The following EIF4G3 variants were observed in gnomAD, a reference collection of about 807,000 sequenced individuals.
The protein encoded by EIF4G3 is eIF-4-gamma 3.
A neutral mutation model predicts 186.4 loss-of-function variants in EIF4G3; 34 were observed. The ratio of observed to expected loss-of-function variants is 0.18; its 90% CI spans 0.14 to 0.24. The LOEUF (loss-of-function observed/expected upper bound fraction) is 0.24, where lower values mean the gene tolerates loss of function less well. EIF4G3 is among the 10% of genes least tolerant of loss of function. The pLI is 1.00. For synonymous variants in EIF4G3, 673 were observed against 679.5 expected, an observed-to-expected ratio of 0.99 and a Z score of 0.15; for missense variants, 1,536 against 1,948.5, an observed-to-expected ratio of 0.79 and a Z score of 3.99.
At chr1:20,931,097 T>A (rs905891738) in intron 14 of EIF4G3, among the ~76,000 whole-genome samples, 1 of 151,706 alleles carries the variant, frequency 6.6e-6, no homozygotes, top group Non-Finnish European at 1.5e-5. Context: ...GCCAGGGAAA[T>A]GACAAGCATC....
chr1:20,810,660 C>A lies in EIF4G3; in HGVS notation c.4744+78G>T. ...ATTCTTTTATTGTCCTTTGTTCGAACCCTAAATCATCTCTAAGTCCTGGCT... is the reference window on the plus strand; with the variant it reads ...ATTCTTTTATTGTCCTTTGTTCGAAACCTAAATCATCTCTAAGTCCTGGCT... On this transcript the variant is annotated intron_variant, in intron 36 of 36. Transcript: ENST00000602326. This position sits in a 1 kb window ranked among gnomAD's most constrained non-coding sequence, Gnocchi z 4.1. 1 of 1,496,900 alleles carries A rather than the reference C, an allele frequency of 6.7e-7. No homozygotes were observed. Among genetic ancestry groups the A allele is most frequent in the Non-Finnish European group, 9.2e-7 (1 of 1,083,652 alleles). The allele number at this position is 1,496,900 out of a possible 1,614,324, so 92.7% of individuals were successfully genotyped here.
At chr1:21,026,936 CA>C (rs146144076) in intron 4 of EIF4G3, among the ~76,000 whole-genome samples, 3,897 of 88,250 alleles carry the variant, frequency 0.044, 145 homozygotes, top group African/African-American at 0.16. Context: ...GACACTGTCT[CA>C]AAAAAAAAAA....
chr1:21,134,185 T>C (rs570503618), intron 2 of EIF4G3, among the ~76,000 whole-genome samples: 1 of 152,206 alleles, frequency 6.6e-6, no homozygotes, highest in African/African-American at 2.4e-5. Context: ...CTCACATTCC[T>C]GTATCTCAGT....
At chr1:20,873,663 T>G (rs1297775710) in intron 20 of EIF4G3, among the ~76,000 whole-genome samples, 1 of 151,822 alleles carries the variant, frequency 6.6e-6, no homozygotes, top group Non-Finnish European at 1.5e-5. Flanking sequence ...ATGGTTTATC[T>G]TTTCTTAGTT....
intron 29 of EIF4G3, among the ~76,000 whole-genome samples, chr1:20,846,605 G>C (rs2071121698): frequency 6.6e-6 from 1 of 152,124 alleles, no homozygotes; most frequent in Non-Finnish European, 1.5e-5. Context: ...GGCCAGACTT[G>C]TCTGTATCTC....
intron 14 of EIF4G3, among the ~76,000 whole-genome samples, chr1:20,916,070 C>T (rs1192675007): frequency 1.3e-5 from 2 of 151,628 alleles, no homozygotes; most frequent in African/African-American, 2.4e-5. Context: ...ATACTAGTAA[C>T]AAAAATTGAA....
At chr1:20,941,109 A>G (rs2095694126) in intron 14 of EIF4G3, 1 of 986,318 alleles carries the variant, frequency 1.0e-6, no homozygotes, top group Admixed American at 3.5e-5. Context: ...TTAAAATTCT[A>G]GGAAGACAGA....
chr1:20,826,900 A>G (rs2063798349), intron 32 of EIF4G3, among the ~76,000 whole-genome samples: 1 of 152,206 alleles, frequency 6.6e-6, no homozygotes, highest in Non-Finnish European at 1.5e-5. Context: ...AAAGAGTAGT[A>G]TTAACAAATA....
chr1:20,852,292 G>A (rs939092237), intron 27 of EIF4G3, among the ~76,000 whole-genome samples: 2 of 152,072 alleles, frequency 1.3e-5, no homozygotes, highest in African/African-American at 4.8e-5. Flanking sequence ...GTGAGCCACT[G>A]TGCCCGGCCT....
Position 21,176,220 on chromosome 1 carries a change from G to T in EIF4G3, c.-317C>A. The T allele has an allele frequency of 2.4e-6, 1 of 421,894 alleles. No homozygotes were observed. Among genetic ancestry groups the T allele is most frequent in the African/African-American group, 2.1e-5 (1 of 46,858 alleles). The allele number at this position is 421,894 out of a possible 1,614,324, so 26.1% of individuals were successfully genotyped here. On this transcript the variant is annotated 5_prime_UTR_variant, in exon 2 of 37. Transcript: ENST00000602326. ...GAGGGCCCTGATGTTCGGGTGAGGA[G>T]GGGGGACCGCTGCCGCCGCCGCCGC...
intron 20 of EIF4G3, among the ~76,000 whole-genome samples, chr1:20,878,895 T>C (rs904254474): frequency 2.6e-5 from 4 of 152,218 alleles, no homozygotes; most frequent in Non-Finnish European, 5.9e-5. Flanking sequence ...TTGAAACCTT[T>C]TTGACTACAG....
At chr1:21,091,746 T>G (rs2096210961) in intron 2 of EIF4G3, among the ~76,000 whole-genome samples, 1 of 152,200 alleles carries the variant, frequency 6.6e-6, no homozygotes, top group African/African-American at 2.4e-5. Flanking sequence ...TTTATTCCCT[T>G]TGAAGCAATA....
chr1:21,048,069 T>C (rs917047645), intron 4 of EIF4G3, among the ~76,000 whole-genome samples: 12 of 152,212 alleles, frequency 7.9e-5, no homozygotes, highest in African/African-American at 2.9e-4. Flanking sequence ...CTGGTATTCA[T>C]GTACTCTGGT....
intron 2 of EIF4G3, among the ~76,000 whole-genome samples, chr1:21,148,741 T>A (rs2097499440): frequency 6.9e-6 from 1 of 144,760 alleles, no homozygotes; most frequent in Non-Finnish European, 1.5e-5. Context: ...ATGTCTGTAA[T>A]CCCTGCAACT....
chr1:21,108,764 G>A (rs918665392), intron 2 of EIF4G3, among the ~76,000 whole-genome samples: 5 of 151,944 alleles, frequency 3.3e-5, no homozygotes, highest in African/African-American at 9.7e-5. Flanking sequence ...TTAGCTGGGT[G>A]TGGTGACACA....
chr1:21,005,486 A>C (rs2084798689), intron 4 of EIF4G3, among the ~76,000 whole-genome samples: 1 of 152,190 alleles, frequency 6.6e-6, no homozygotes, highest in African/African-American at 2.4e-5. Flanking sequence ...TTAGAGGAAC[A>C]CTTTGTTCTC....
intron 4 of EIF4G3, among the ~76,000 whole-genome samples, chr1:21,035,375 C>G (rs1247584571): frequency 6.6e-6 from 1 of 152,166 alleles, no homozygotes; most frequent in Non-Finnish European, 1.5e-5. Context: ...GCTCCCCAGG[C>G]ACAGCTCCAG....
At chr1:20,982,930 A>G (rs539376072) in intron 7 of EIF4G3, among the ~76,000 whole-genome samples, 1 of 152,342 alleles carries the variant, frequency 6.6e-6, no homozygotes, top group East Asian at 1.9e-4. Flanking sequence ...GGGCACTTAT[A>G]GCTCTAAAAT....
intron 3 of EIF4G3, among the ~76,000 whole-genome samples, chr1:21,062,682 C>T (rs925581215): frequency 2.6e-5 from 4 of 151,986 alleles, no homozygotes; most frequent in Admixed American, 6.6e-5. Context: ...CACTGCCTCC[C>T]GGGTTCAAGC....
Sources: gnomAD v4.1 joint callset for allele counts (sites outside exome capture counted in the v4.1 genomes callset) on GRCh38, gnomAD v4.1.1 for gene constraint, Gnocchi (gnomAD v3.1) non-coding constraint, MANE v1.5 for transcripts, NCBI Gene and HGNC (gene_info 2026-07-23, HGNC 2026-07-21) for gene names.